Variants in TXN2 observed in about 807,000 individuals in gnomAD.
TXN2 encodes the protein thioredoxin 2.
Under a neutral mutation model 14.6 loss-of-function variants are expected in TXN2, and 12 were observed. That is an observed-to-expected ratio of 0.82 (90% CI 0.53 to 1.33). The LOEUF (loss-of-function observed/expected upper bound fraction) is 1.33, where lower values mean the gene tolerates loss of function less well. Among genes scored for constraint, TXN2 ranks in the 40% most tolerant of loss-of-function variants. The pLI is 0.00. For synonymous variants in TXN2, 89 were observed against 81.0 expected, an observed-to-expected ratio of 1.10 and a Z score of -0.53; for missense variants, 173 against 207.7, an observed-to-expected ratio of 0.83 and a Z score of 1.03.
chr22:36,477,410 G>A (rs1283882334), intron 2 of TXN2, among the ~76,000 whole-genome samples: 1 of 152,134 alleles, frequency 6.6e-6, no homozygotes, highest in Non-Finnish European at 1.5e-5. Context: ...GGGTTTCACC[G>A]TGTTAGCCAG....
At position 36,467,312 on chromosome 22, in the gene TXN2, G is replaced by A. The variant is rs2145817755; in HGVS notation, c.*492C>T. ...AGTAGGAGGTGGAAGGGATGACTAAGTTCTTTATCACAGACCTACAAAAAA... is the reference window on the plus strand; with the variant it reads ...AGTAGGAGGTGGAAGGGATGACTAAATTCTTTATCACAGACCTACAAAAAA... On this transcript the variant is annotated 3_prime_UTR_variant, in exon 4 of 4. Transcript: ENST00000216185. 6.2e-6 allele frequency: 1 copy of A among 160,342 alleles called. No homozygotes were observed. Among genetic ancestry groups the A allele is most frequent in the East Asian group, 1.8e-4 (1 of 5,572 alleles). 9.9% of individuals were successfully genotyped at this position (160,342 alleles called of 1,614,324 possible).
intron 3 of TXN2, among the ~76,000 whole-genome samples, chr22:36,468,908 G>A (rs1219731154): frequency 6.6e-6 from 1 of 152,014 alleles, no homozygotes; most frequent in Non-Finnish European, 1.5e-5. Context: ...CGGGCATGGT[G>A]GCAGGCACCT....
chr22:36,480,344 A>G (rs1227628041), intron 2 of TXN2, among the ~76,000 whole-genome samples: 1 of 152,210 alleles, frequency 6.6e-6, no homozygotes, highest in Non-Finnish European at 1.5e-5. Context: ...CTTTCTGGGG[A>G]TTGAGAAACA....
At position 36,476,725 on chromosome 22, in the gene TXN2, A is replaced by T; in HGVS notation, c.387+8T>A. On this transcript the variant is annotated splice_region_variant and intron_variant, in intron 3 of 3. Transcript: ENST00000216185. Reference sequence around the variant, plus strand: ...GCTTCCCTGTGGCAACTCCCTGTCAATCCATACCTCATACTCAATGGCGAG... The same window carrying T: ...GCTTCCCTGTGGCAACTCCCTGTCATTCCATACCTCATACTCAATGGCGAG... The T allele has an allele frequency of 6.2e-7, 1 of 1,614,054 alleles. No homozygotes were observed. The highest frequency in any genetic ancestry group is 8.5e-7 in the Non-Finnish European group (1 of 1,180,008).
intron 3 of TXN2, among the ~76,000 whole-genome samples, chr22:36,468,167 G>C (rs1037029460): frequency 4.6e-5 from 7 of 152,184 alleles, no homozygotes; most frequent in Non-Finnish European, 7.4e-5. Context: ...CCACAAGACT[G>C]ACTCACTGGC....
At chr22:36,476,591 CAAA>C in intron 3 of TXN2, 139 bp downstream of exon 3, 3 of 961,144 alleles carry the variant, frequency 3.1e-6, no homozygotes, top group South Asian at 1.9e-5. Context: ...GATTCCGTCT[CAAA>C]AAAAAAAAGC....
At chr22:36,477,215 T>C (rs1933404125) in intron 2 of TXN2, among the ~76,000 whole-genome samples, 1 of 152,104 alleles carries the variant, frequency 6.6e-6, no homozygotes, top group African/African-American at 2.4e-5. Context: ...GTTTCCTTTT[T>C]TTCTTTTTTT....
rs1933478860 is a variant in TXN2, at chr22:36,480,589, C to T, written c.249G>A (p.Val83=). ...CCAATACTCACTGTGCGTGGAAATCCACAACCACTGGTGTCTCACTGTTGA... is the reference window on the plus strand; with the variant it reads ...CCAATACTCACTGTGCGTGGAAATCTACAACCACTGGTGTCTCACTGTTGA... ...RVVNSETPVV[V]DFHAQWCGPC... is the part of the protein sequence containing the mutation. Residue 83 remains valine (V), a synonymous_variant, in exon 2 of 4, where the codon GTG becomes GTA. Transcript: ENST00000216185. 6.2e-7 allele frequency: 1 copy of T among 1,613,546 alleles called. No homozygotes were observed. Among genetic ancestry groups the T allele is most frequent in the Admixed American group, 1.7e-5 (1 of 59,994 alleles).
In TXN2 at chr22:36,467,456, T is replaced by C. The variant is rs1463500927; in HGVS notation, c.*348A>G. On this transcript the variant is annotated 3_prime_UTR_variant, in exon 4 of 4. Transcript: ENST00000216185. The stretch of plus-strand genomic sequence containing the variant: ...ACGAGCCAGGCACGAGGTTTCAGAT[T>C]GGAAGGGACCAAGATGAGGACCAAG... The C allele has an allele frequency of 4.2e-6, 1 of 236,692 alleles. No homozygotes were observed. 14.7% of individuals were successfully genotyped at this position (236,692 alleles called of 1,614,324 possible).
intron 2 of TXN2, among the ~76,000 whole-genome samples, chr22:36,479,307 G>C (rs1933449595): frequency 6.6e-6 from 1 of 151,698 alleles, no homozygotes; most frequent in Non-Finnish European, 1.5e-5. Flanking sequence ...TCAGAGACCT[G>C]ACCAGAAGGC....
intron 3 of TXN2, among the ~76,000 whole-genome samples, chr22:36,472,799 T>C (rs1933309381): frequency 6.6e-6 from 1 of 152,120 alleles, no homozygotes. Flanking sequence ...ACTTTCTCAC[T>C]GGCAAGCAGT....
intron 3 of TXN2, among the ~76,000 whole-genome samples, chr22:36,474,067 C>T (rs1933338228): frequency 6.6e-6 from 1 of 152,196 alleles, no homozygotes; most frequent in Non-Finnish European, 1.5e-5. Flanking sequence ...CTGTGGGAGG[C>T]CCTAGGAGCC....
At chr22:36,480,327 C>T (rs1010474912) in intron 2 of TXN2, among the ~76,000 whole-genome samples, 1 of 152,198 alleles carries the variant, frequency 6.6e-6, no homozygotes, top group South Asian at 2.1e-4. Context: ...CTAAAGATGA[C>T]GCTGAGCTTT....
At chr22:36,471,831 G>A (rs1603488136) in intron 3 of TXN2, among the ~76,000 whole-genome samples, 1 of 152,174 alleles carries the variant, frequency 6.6e-6, no homozygotes, top group Non-Finnish European at 1.5e-5. Flanking sequence ...TAGGCCGGGC[G>A]TGGTGGCTCA....
rs1375063208 is a variant in TXN2 at position 36,476,774 on chromosome 22, C to T, written c.346G>A (p.Val116Met). Reference sequence around the variant, plus strand: ...AGGTCTGTGTGGTCATCAATATCCACCTTGGCCATCACCACCTTCCCGTGC... The same window carrying T: ...AGGTCTGTGTGGTCATCAATATCCATCTTGGCCATCACCACCTTCCCGTGC... ...KQHGKVVMAK[V>M]DIDDHTDLAI... The change falls in exon 3 of 4, where the codon GTG (valine) becomes ATG (methionine). Residue 116 changes from valine to methionine, a missense_variant. Coordinates refer to ENST00000216185, the MANE Select transcript of TXN2 (RefSeq NM_012473.4). 2.5e-6 allele frequency: 4 copies of T among 1,614,168 alleles called. No individual in the cohort carries two copies. Among genetic ancestry groups the T allele is most frequent in the Non-Finnish European group, 3.4e-6 (4 of 1,180,040 alleles).
intron 2 of TXN2, among the ~76,000 whole-genome samples, chr22:36,480,308 T>C (rs1184634492): frequency 1.3e-5 from 2 of 152,248 alleles, no homozygotes; most frequent in East Asian, 3.8e-4. Context: ...TTTCCAACTC[T>C]GGTCCATGCT....
At chr22:36,479,944 G>T (rs777133596) in intron 2 of TXN2, among the ~76,000 whole-genome samples, 2 of 150,368 alleles carry the variant, frequency 1.3e-5, no homozygotes, top group African/African-American at 4.9e-5. Context: ...GTGTAATGGC[G>T]CGATCTTCAG....
intron 2 of TXN2, among the ~76,000 whole-genome samples, chr22:36,479,419 C>A (rs112787590): frequency 0.049 from 7,409 of 151,598 alleles, 592 homozygotes; most frequent in African/African-American, 0.17. Context: ...GCAACCTCCA[C>A]CTCCCAGGTT....
At chr22:36,479,291 A>T (rs1933449227) in intron 2 of TXN2, among the ~76,000 whole-genome samples, 1 of 151,970 alleles carries the variant, frequency 6.6e-6, no homozygotes, top group Non-Finnish European at 1.5e-5. Context: ...CCAGCGAAAC[A>T]ATCTGTCAGA....
Sources: allele counts gnomAD v4.1 joint callset (sites outside exome capture counted in the v4.1 genomes callset), GRCh38; gene constraint gnomAD v4.1.1; transcripts MANE v1.5; gene names NCBI Gene and HGNC (gene_info 2026-07-23, HGNC 2026-07-21).